The following CMTM1 variants were observed in gnomAD, a reference collection of about 807,000 sequenced individuals.
CMTM1 encodes CKLF like MARVEL transmembrane domain containing 1, also known as CKLF-like MARVEL transmembrane domain-containing protein 1.
Under a neutral mutation model 17.8 loss-of-function variants are expected in CMTM1, and 16 were observed. The observed-to-expected ratio is 0.90, with a 90% CI of 0.61 to 1.37. The LOEUF is 1.37. Ranked by LOEUF, CMTM1 falls within the 40% of genes most tolerant of loss-of-function variation. The probability of loss-of-function intolerance (pLI) is 0.00; values close to 1 mark genes in which losing one functional copy is unlikely to be tolerated. For missense variants in CMTM1, 354 were observed against 375.6 expected, an observed-to-expected ratio of 0.94 and a Z score of 0.47; for synonymous variants, 169 against 154.6, an observed-to-expected ratio of 1.09 and a Z score of -0.69.
intron 1 of CMTM1, chr16:66,567,298 C>T (rs2012682797): frequency 2.8e-6 from 1 of 360,664 alleles, no homozygotes; most frequent in Non-Finnish European, 5.2e-6. Context: ...CTAATGCTAT[C>T]CCTCCCCTAG....
At position 66,566,476 on chromosome 16, in the gene CMTM1, C is replaced by G. The variant is rs771005209; in HGVS notation, c.-38C>G. The G allele has an allele frequency of 1.3e-6, 2 of 1,532,944 alleles. No homozygotes were observed. Among genetic ancestry groups the G allele is most frequent in the Non-Finnish European group, 1.7e-6 (2 of 1,144,018 alleles). 95.0% of individuals were successfully genotyped at this position (1,532,944 alleles called of 1,614,324 possible). A position where few individuals can be genotyped will look rare whatever the true frequency, so the allele number is the denominator to read the frequency against. ...CCCAGGGGAGAGCCAGCCGCTGCCG[C>G]GGCACTGGTTCAGACGGCCAGGCCC... is the stretch of plus-strand genomic sequence containing the variant. On this transcript the variant is annotated 5_prime_UTR_variant, in exon 1 of 4. Transcript: ENST00000379500. This position sits in a 1 kb window ranked among gnomAD's most constrained non-coding sequence, Gnocchi z 4.9.
chr16:66,573,324 C>T (rs969337343), intron 2 of CMTM1, among the ~76,000 whole-genome samples: 1 of 152,196 alleles, frequency 6.6e-6, no homozygotes, highest in Non-Finnish European at 1.5e-5. Context: ...CAATTTTCCT[C>T]ACCCCACACA....
intron 2 of CMTM1, among the ~76,000 whole-genome samples, chr16:66,571,607 C>T (rs2013548520): frequency 6.6e-6 from 1 of 152,212 alleles, no homozygotes; most frequent in Admixed American, 6.5e-5. Flanking sequence ...TCCTCAGCTT[C>T]TCTAAATTTT....
intron 2 of CMTM1, among the ~76,000 whole-genome samples, chr16:66,572,729 C>G (rs557700609): frequency 2.6e-5 from 4 of 152,168 alleles, no homozygotes; most frequent in Non-Finnish European, 5.9e-5. Flanking sequence ...GGCAAGAAGG[C>G]TTGGCTCCCA....
rs1282927210 is a variant in CMTM1, at chr16:66,578,993, C to A, written c.853C>A (p.Pro285Thr). Residue 285 changes from proline to threonine, a missense_variant, in exon 4 of 4, where the codon CCC becomes ACC. Transcript: ENST00000379500. The part of the protein sequence containing the change: ...PETGPDAPQR[P>T]A ...AACCGGCCCCGACGCCCCGCAGAGG[C>A]CCGCCTGAAGCCAGCCCGGCGCCCT... 6.2e-7 allele frequency: 1 copy of A among 1,613,102 alleles called. No individual in the cohort carries two copies. Among genetic ancestry groups the A allele is most frequent in the Non-Finnish European group, 8.5e-7 (1 of 1,179,870 alleles).
In CMTM1 at chr16:66,566,509, C is replaced by G. The variant is rs370693367; in HGVS notation, c.-5C>G. 3.2e-5 allele frequency: 51 copies of G among 1,593,404 alleles called. No individual in the cohort carries two copies. The highest frequency in any genetic ancestry group is 4.0e-5 in the Non-Finnish European group (47 of 1,169,760). ...GTTCAGACGGCCAGGCCCTAGGGAC[C>G]CACCATGGATCCTGAACACGCCAAA... On this transcript the variant is annotated 5_prime_UTR_variant, in exon 1 of 4. Transcript: ENST00000379500. This position sits in a 1 kb window ranked among gnomAD's most constrained non-coding sequence, Gnocchi z 4.9.
At chr16:66,577,864 T>C (rs894540314) in intron 3 of CMTM1, among the ~76,000 whole-genome samples, 2 of 152,342 alleles carry the variant, frequency 1.3e-5, no homozygotes, top group Middle Eastern at 3.4e-3. Context: ...GTTCAAGAAG[T>C]TAAACAATGA....
At chr16:66,567,291 A>T (rs1359719679) in intron 1 of CMTM1, 4 of 369,184 alleles carry the variant, frequency 1.1e-5, no homozygotes, top group Non-Finnish European at 1.5e-5. Flanking sequence ...ATTTCTCCTA[A>T]TGCTATCCCT....
intron 1 of CMTM1, chr16:66,567,171 ATTATAC>A: frequency 4.3e-6 from 2 of 466,868 alleles, no homozygotes; most frequent in Non-Finnish European, 7.2e-6. Context: ...TTTTTTTTTT[ATTATAC>A]TTTAACTTAC....
intron 2 of CMTM1, among the ~76,000 whole-genome samples, chr16:66,573,722 T>C (rs928851489): frequency 2.0e-5 from 3 of 148,246 alleles, no homozygotes; most frequent in African/African-American, 7.5e-5. Context: ...AGTCTCACTG[T>C]GTTGCCCAGG....
chr16:66,572,059 G>C (rs2013625967), intron 2 of CMTM1, among the ~76,000 whole-genome samples: 1 of 152,184 alleles, frequency 6.6e-6, no homozygotes, highest in South Asian at 2.1e-4. Flanking sequence ...TTTTGGGGAT[G>C]ACTGGGAGCC....
chr16:66,577,196 C>CCG lies in CMTM1; in HGVS notation c.684_685insCG (p.Gly229ArgfsTer10), dbSNP rs1555494581. 6.2e-7 allele frequency: 1 copy of CCG among 1,612,924 alleles called. No homozygotes were observed. On this transcript the variant is annotated frameshift_variant, in exon 3 of 4. Transcript: ENST00000379500. LOFTEE classifies it low-confidence loss of function (END_TRUNC). ...AGAAAAGAAGGCATTTACTCTATGT[C>CCG]GGGGGGGTAAGTAGAGGCCTTCATG... is the stretch of plus-strand genomic sequence containing the variant.
In CMTM1 at chr16:66,570,026, G is replaced by T. The variant is rs781528376; in HGVS notation, c.523G>T (p.Val175Phe). The T allele has an allele frequency of 9.9e-6, 16 of 1,610,858 alleles. No homozygotes were observed. The Admixed American group carries it at 2.0e-4, about 20-fold the overall frequency. ...TITSLEICIV[V>F]FFILIYVLTL... ...CACAAGTCTGGAAATCTGCATTGTC[G>T]TTTTTTTTATTCTAATATATGTGCT... Residue 175 changes from valine to phenylalanine, a missense_variant, in exon 2 of 4, where the codon GTT (valine) becomes TTT (phenylalanine). Val to Phe is a conservative substitution (Grantham distance 50, BLOSUM62 -1). Coordinates refer to ENST00000379500, the MANE Select transcript of CMTM1 (RefSeq NM_052999.4).
At chr16:66,576,313 G>C (rs2014231649) in intron 2 of CMTM1, among the ~76,000 whole-genome samples, 2 of 152,024 alleles carry the variant, frequency 1.3e-5, no homozygotes, top group Non-Finnish European at 2.9e-5. Flanking sequence ...CAGGAGAATT[G>C]CTTGAACCTG....
At position 66,578,914 on chromosome 16, in the gene CMTM1, C is replaced by A. The variant is rs562250091; in HGVS notation, c.774C>A (p.Phe258Leu). The A allele has an allele frequency of 1.2e-6, 2 of 1,614,202 alleles. No homozygotes were observed. The highest frequency in any genetic ancestry group is 2.7e-5 in the African/African-American group (2 of 75,056). The part of the protein sequence containing the change: ...TTKMRTNLKR[F>L]LGVEVERKLS... ...AGATGAGGACCAACTTGAAAAGATTCCTGGGAGTCGAAGTTGAAAGGAAGC... is the reference window on the plus strand; with the variant it reads ...AGATGAGGACCAACTTGAAAAGATTACTGGGAGTCGAAGTTGAAAGGAAGC... The change falls in exon 4 of 4, where the codon TTC (phenylalanine) becomes TTA (leucine). Residue 258 changes from phenylalanine to leucine, a missense_variant. Coordinates refer to ENST00000379500, the MANE Select transcript of CMTM1 (RefSeq NM_052999.4).
rs138390040 is a variant in CMTM1 at position 66,566,878 on chromosome 16, A to G, written c.365A>G (p.Tyr122Cys). Residue 122 changes from tyrosine to cysteine, a missense_variant, in exon 1 of 4, where the codon TAC becomes TGC. By Grantham distance (194) the Tyr-to-Cys change is radical. Coordinates refer to ENST00000379500, the MANE Select transcript of CMTM1 (RefSeq NM_052999.4). This position sits in a 1 kb window ranked among gnomAD's most constrained non-coding sequence, Gnocchi z 4.9. ...ERVEGRAKVP[Y>C]KFRDSLKRFS... ...GTGGAGGGCCGAGCCAAAGTCCCGT[A>G]CAAATTCAGGGACAGCCTCAAACGT... 1 of 1,614,046 alleles carries G rather than the reference A, an allele frequency of 6.2e-7. No homozygotes were observed. Among genetic ancestry groups the G allele is most frequent in the Non-Finnish European group, 8.5e-7 (1 of 1,179,998 alleles).
rs913505885 is a variant in CMTM1 at position 66,567,135 on chromosome 16, C to CT, written c.432+197dup. On this transcript the variant is annotated intron_variant, in intron 1 of 3. Transcript: ENST00000379500. ...TAAACCTTTCCTACTAAACTTGCCTCTTTTTTTCCCTATTTTTTCTTTTTT... is the reference window on the plus strand; with the variant it reads ...TAAACCTTTCCTACTAAACTTGCCTCTTTTTTTTCCCTATTTTTTCTTTTTT... The CT allele has an allele frequency of 5.4e-5, 35 of 649,198 alleles. No individual in the cohort carries two copies. In the East Asian group the frequency reaches 8.1e-4, roughly 15 times the overall value. 40.2% of individuals were successfully genotyped at this position (649,198 alleles called of 1,614,324 possible).
intron 3 of CMTM1, among the ~76,000 whole-genome samples, chr16:66,578,278 C>T (rs537089305): frequency 4.2e-4 from 64 of 152,286 alleles, no homozygotes; most frequent in African/African-American, 1.4e-3. Flanking sequence ...GGTTCACCTT[C>T]CATTCACCTC....
At chr16:66,567,057 C>A (rs773471051) in intron 1 of CMTM1, 112 bp downstream of exon 1, 2 of 1,178,536 alleles carry the variant, frequency 1.7e-6, no homozygotes, top group South Asian at 1.3e-5. Context: ...CTTTGCCACT[C>A]ACCTTTGTTT....
Sources: gnomAD v4.1 joint callset for allele counts (sites outside exome capture counted in the v4.1 genomes callset) on GRCh38, gnomAD v4.1.1 for gene constraint, Gnocchi (gnomAD v3.1) non-coding constraint, MANE v1.5 for transcripts, NCBI Gene and HGNC (gene_info 2026-07-23, HGNC 2026-07-21) for gene names.